The following COL23A1 variants were observed in gnomAD, a reference collection of about 807,000 sequenced individuals.
COL23A1 encodes collagen alpha-1(XXIII) chain.
Under a neutral mutation model 99.3 loss-of-function variants are expected in COL23A1, and 97 were observed. The ratio of observed to expected loss-of-function variants is 0.98; its 90% CI spans 0.83 to 1.16. The LOEUF is 1.16. Among genes scored for constraint, COL23A1 ranks in the 50% most tolerant of loss-of-function variants. The pLI is 0.00. For missense variants in COL23A1, 762 were observed against 757.4 expected, an observed-to-expected ratio of 1.01 and a Z score of -0.07; for synonymous variants, 320 against 308.2, an observed-to-expected ratio of 1.04 and a Z score of -0.40.
At chr5:178,288,852 G>A (rs1006124781) in intron 4 of COL23A1, among the ~76,000 whole-genome samples, 7 of 152,202 alleles carry the variant, frequency 4.6e-5, no homozygotes, top group Admixed American at 4.6e-4. Context: ...AGACCCTGGA[G>A]CAGTGACCAC....
chr5:178,577,672 C>T (rs1008364480), intron 1 of COL23A1, among the ~76,000 whole-genome samples: 1 of 152,348 alleles, frequency 6.6e-6, no homozygotes, highest in Non-Finnish European at 1.5e-5. Context: ...GTCAAGGGGG[C>T]TCCTCTGGCC....
chr5:178,367,814 G>T (rs527606156), intron 2 of COL23A1, among the ~76,000 whole-genome samples: 2 of 152,262 alleles, frequency 1.3e-5, no homozygotes, highest in East Asian at 1.9e-4. Context: ...GCAGGTACAC[G>T]TGAGTCCAGG....
intron 2 of COL23A1, among the ~76,000 whole-genome samples, chr5:178,482,901 C>CA (rs1251379971): frequency 2.3e-3 from 338 of 143,946 alleles, no homozygotes; most frequent in Non-Finnish European, 3.6e-3. Context: ...GACTCCATCT[C>CA]AAAAAAAAAA....
chr5:178,321,790 C>T (rs900205909), intron 2 of COL23A1, among the ~76,000 whole-genome samples: 12 of 149,674 alleles, frequency 8.0e-5, no homozygotes, highest in Non-Finnish European at 1.3e-4. Context: ...CGCCCGGCCC[C>T]GTAGCCTTCC....
chr5:178,563,526 CTTTTTT>C (rs779487808), intron 1 of COL23A1, among the ~76,000 whole-genome samples: 8 of 83,212 alleles, frequency 9.6e-5, no homozygotes, highest in Middle Eastern at 0.012. Flanking sequence ...TCAGAACTCA[CTTTTTT>C]TTTTTTTTTT....
At chr5:178,327,259 G>A (rs1005093455) in intron 2 of COL23A1, among the ~76,000 whole-genome samples, 2 of 152,218 alleles carry the variant, frequency 1.3e-5, no homozygotes, top group Non-Finnish European at 2.9e-5. Flanking sequence ...AATAATCTGG[G>A]AGATAAGATG....
At chr5:178,555,953 T>A (rs540003136) in intron 2 of COL23A1, among the ~76,000 whole-genome samples, 2 of 152,244 alleles carry the variant, frequency 1.3e-5, no homozygotes, top group South Asian at 4.1e-4. Flanking sequence ...GCTCCCGTCC[T>A]TCAGTCAATA....
intron 2 of COL23A1, among the ~76,000 whole-genome samples, chr5:178,399,889 C>T (rs1371819878): frequency 1.3e-5 from 2 of 152,162 alleles, no homozygotes; most frequent in Non-Finnish European, 2.9e-5. Context: ...GGTTCTCATT[C>T]CCTTCGGCTC....
At chr5:178,504,731 T>C (rs946266537) in intron 2 of COL23A1, among the ~76,000 whole-genome samples, 1 of 152,112 alleles carries the variant, frequency 6.6e-6, no homozygotes, top group Non-Finnish European at 1.5e-5. Context: ...GTGTGTGCCT[T>C]GACATGCACT....
chr5:178,406,456 G>T (rs1239304710), intron 2 of COL23A1, among the ~76,000 whole-genome samples: 1 of 146,786 alleles, frequency 6.8e-6, no homozygotes, highest in East Asian at 2.0e-4. Flanking sequence ...TTGAGACGGA[G>T]TCTCGCTCTG....
chr5:178,443,833 C>T (rs770012920), intron 2 of COL23A1, among the ~76,000 whole-genome samples: 1 of 151,814 alleles, frequency 6.6e-6, no homozygotes, highest in Non-Finnish European at 1.5e-5. Context: ...AATAATGGGA[C>T]CTATGTAATT....
intron 1 of COL23A1, among the ~76,000 whole-genome samples, chr5:178,569,458 A>G (rs1176574297): frequency 2.0e-5 from 3 of 152,246 alleles, no homozygotes; most frequent in Non-Finnish European, 1.5e-5. Context: ...ATTAGTCCTT[A>G]CTGAGATCTT....
intron 2 of COL23A1, among the ~76,000 whole-genome samples, chr5:178,411,345 C>T (rs12518750): frequency 0.09 from 13,697 of 152,110 alleles, 642 homozygotes; most frequent in Middle Eastern, 0.14. Context: ...CATACATGTA[C>T]GTTTACAACA....
rs1762466300 is a variant in COL23A1, at chr5:178,366,173, G to A, written c.362-59254C>T. On this transcript the variant is annotated intron_variant, in intron 2 of 28. Coordinates refer to ENST00000390654, the MANE Select transcript of COL23A1 (RefSeq NM_173465.4). This position sits in a 1 kb window ranked among gnomAD's most constrained non-coding sequence, Gnocchi z 4.4. Reference sequence around the variant, plus strand: ...AGTCCCCAAGGGCAGGGCTGGGTCTGATTCACCTCTTCCTCCCCGGAGCCC... The same window carrying A: ...AGTCCCCAAGGGCAGGGCTGGGTCTAATTCACCTCTTCCTCCCCGGAGCCC... Among the ~76,000 whole-genome samples, 1 of 152,222 alleles carries A rather than the reference G, an allele frequency of 6.6e-6. No homozygotes were observed. Among genetic ancestry groups the A allele is most frequent in the South Asian group, 2.1e-4 (1 of 4,838 alleles).
chr5:178,485,411 G>T (rs1451909636), intron 2 of COL23A1, among the ~76,000 whole-genome samples: 2 of 151,792 alleles, frequency 1.3e-5, no homozygotes. Context: ...GGAGGTTGAG[G>T]CTACCGTGAC....
At chr5:178,375,541 G>A (rs576968724) in intron 2 of COL23A1, among the ~76,000 whole-genome samples, 11 of 152,280 alleles carry the variant, frequency 7.2e-5, no homozygotes, top group African/African-American at 2.4e-5. Context: ...AAGGCCCTGC[G>A]TGGTCCCGCC....
chr5:178,278,013 G>C lies in COL23A1; in HGVS notation c.442-7650C>G, dbSNP rs1253225554. On this transcript the variant is annotated intron_variant, in intron 5 of 28. Coordinates refer to ENST00000390654, the MANE Select transcript of COL23A1 (RefSeq NM_173465.4). ...GGGCTGTTCTGGTGGAAGGAAGTCT[G>C]GGGGAACACACCATCAGCTCATTTT... Among the ~76,000 whole-genome samples the C allele has an allele frequency of 2.0e-5, 3 of 152,312 alleles. 1 individual carries two copies. Among genetic ancestry groups the C allele is most frequent in the Middle Eastern group, 6.8e-3 (2 of 294 alleles).
At chr5:178,398,692 T>A (rs920804289) in intron 2 of COL23A1, among the ~76,000 whole-genome samples, 1 of 152,238 alleles carries the variant, frequency 6.6e-6, no homozygotes. Flanking sequence ...TAATTCATTT[T>A]TACAATTTTC....
chr5:178,416,260 A>G (rs1003882003), intron 2 of COL23A1, among the ~76,000 whole-genome samples: 2 of 152,222 alleles, frequency 1.3e-5, no homozygotes, highest in African/African-American at 2.4e-5. Context: ...CAATATAGAC[A>G]AGAGATGAGC....
Sources: allele counts gnomAD v4.1 joint callset (sites outside exome capture counted in the v4.1 genomes callset), GRCh38; gene constraint gnomAD v4.1.1; non-coding constraint Gnocchi (gnomAD v3.1); transcripts MANE v1.5; gene names NCBI Gene and HGNC (gene_info 2026-07-23, HGNC 2026-07-21).